XYLB: variants seen among roughly 807,000 people sequenced by gnomAD.
The protein encoded by XYLB is xylulokinase.
A neutral mutation model predicts 78.7 loss-of-function variants in XYLB; 62 were observed. The observed-to-expected ratio is 0.79, with a 90% CI of 0.64 to 0.97. The LOEUF (loss-of-function observed/expected upper bound fraction) is 0.97, where lower values mean the gene tolerates loss of function less well. Ranked by LOEUF, XYLB falls within the 50% of genes least tolerant of loss-of-function variation. The probability of loss-of-function intolerance (pLI) is 0.00; values close to 1 mark genes in which losing one functional copy is unlikely to be tolerated. For missense variants in XYLB, 687 were observed against 676.8 expected (o/e 1.02, Z -0.17); for synonymous variants, 245 against 247.4 (o/e 0.99, Z 0.09).
chr3:38,376,838 G>T, intron 13 of XYLB, 80 bp from the exon 14 acceptor site: 1 of 1,259,862 alleles, frequency 7.9e-7, no homozygotes, highest in Non-Finnish European at 1.1e-6. Flanking sequence ...GGGTCATTTT[G>T]TCCTGTTCTA....
chr3:38,450,624 T>C, the XYLB span, among the ~76,000 whole-genome samples: 3 of 152,220 alleles, frequency 2.0e-5, no homozygotes, highest in South Asian at 2.1e-4. Flanking sequence ...TTTAGCAATC[T>C]TGTAGTCGTT....
At chr3:38,424,489 A>G (rs1709062474), downstream of XYLB, among the ~76,000 whole-genome samples, 1 of 152,224 alleles carries the variant, frequency 6.6e-6, no homozygotes, top group Non-Finnish European at 1.5e-5. Flanking sequence ...TCAATTTTTG[A>G]AATTAACTAA....
chr3:38,377,676 A>T (rs1706934338), intron 14 of XYLB, among the ~76,000 whole-genome samples: 1 of 151,820 alleles, frequency 6.6e-6, no homozygotes, highest in African/African-American at 2.4e-5. Context: ...CGAACTCCTA[A>T]CCTCAAGTGA....
At chr3:38,423,426 G>T (rs541797750), downstream of XYLB, among the ~76,000 whole-genome samples, 1 of 152,188 alleles carries the variant, frequency 6.6e-6, no homozygotes, top group African/African-American at 2.4e-5. Context: ...ACAGATCTTA[G>T]AGCCATTAAT....
chr3:38,401,599 T>C (rs1708125672), intron 18 of XYLB, among the ~76,000 whole-genome samples: 1 of 152,232 alleles, frequency 6.6e-6, no homozygotes, highest in African/African-American at 2.4e-5. Flanking sequence ...GAAGCTGAGA[T>C]GACCTTTAGA....
chr3:38,352,457 C>G (rs746700695), intron 2 of XYLB, among the ~76,000 whole-genome samples: 9 of 152,178 alleles, frequency 5.9e-5, no homozygotes, highest in Non-Finnish European at 1.0e-4. Flanking sequence ...TATGCTTTCT[C>G]TTGTATGAAA....
downstream of XYLB, among the ~76,000 whole-genome samples, chr3:38,425,514 T>A (rs1052827807): frequency 6.6e-6 from 1 of 152,224 alleles, no homozygotes; most frequent in Non-Finnish European, 1.5e-5. Context: ...AACTTTAAAT[T>A]TTTTGAGCCT....
At chr3:38,421,777 T>C (rs534220995), downstream of XYLB, among the ~76,000 whole-genome samples, 1 of 152,062 alleles carries the variant, frequency 6.6e-6, no homozygotes, top group Admixed American at 6.5e-5. Flanking sequence ...AGCAGCAGAG[T>C]AGGGAGAGGT....
Position 38,413,181 on chromosome 3 carries a change from AAGAT to A in XYLB, c.*175_*178del. ...AAGCCGCCCTCAGCACATCTGCATG[AAGAT>A]AGATAGGCACTCCTGTCCCTGTGCC... On this transcript the variant is annotated 3_prime_UTR_variant, in exon 19 of 19. Coordinates refer to ENST00000207870, the MANE Select transcript of XYLB (RefSeq NM_005108.4). The A allele has an allele frequency of 1.8e-6, 1 of 550,868 alleles. No homozygotes were observed. The highest frequency in any genetic ancestry group is 3.0e-6 in the Non-Finnish European group (1 of 333,492). The allele number at this position is 550,868 out of a possible 1,614,324, so 34.1% of individuals were successfully genotyped here.
At chr3:38,408,820 C>G (rs568570140) in intron 18 of XYLB, among the ~76,000 whole-genome samples, 1 of 152,268 alleles carries the variant, frequency 6.6e-6, no homozygotes, top group South Asian at 2.1e-4. Flanking sequence ...CATACACCCT[C>G]CCAAGACTAA....
In XYLB at chr3:38,377,106, A is replaced by C. The variant is rs996825181; in HGVS notation, c.1194+115A>C. 4.4e-6 allele frequency: 4 copies of C among 915,546 alleles called. No homozygotes were observed. In the African/African-American group the frequency reaches 6.6e-5, roughly 15 times the overall value. The allele number at this position is 915,546 out of a possible 1,614,324, so 56.7% of individuals were successfully genotyped here. A position where few individuals can be genotyped will look rare whatever the true frequency, so the allele number is the denominator to read the frequency against. ...GACTTCATTCATTCACTCATCCATT[A>C]ATATCATACACACTTGTGGTGTGCC... On this transcript the variant is annotated intron_variant, in intron 14 of 18. Coordinates refer to ENST00000207870, the MANE Select transcript of XYLB (RefSeq NM_005108.4).
chr3:38,348,321 G>T (rs1342237171), intron 1 of XYLB, among the ~76,000 whole-genome samples: 1 of 152,182 alleles, frequency 6.6e-6, no homozygotes, highest in Non-Finnish European at 1.5e-5. Flanking sequence ...CTTGAGACAT[G>T]TGGGTGTTCC....
downstream of XYLB, among the ~76,000 whole-genome samples, chr3:38,423,266 G>C (rs1260553925): frequency 2.6e-5 from 4 of 152,098 alleles, no homozygotes; most frequent in Admixed American, 1.3e-4. Context: ...TGGAGACGGG[G>C]TTTCACTGCA....
At chr3:38,372,580 T>G in intron 9 of XYLB, 75 bp from the exon 10 acceptor site, 1 of 1,609,990 alleles carries the variant, frequency 6.2e-7, no homozygotes, top group South Asian at 1.1e-5. Flanking sequence ...TTTCGTGGCC[T>G]GAAGGGTGGG....
intron 2 of XYLB, among the ~76,000 whole-genome samples, chr3:38,354,374 A>T (rs1705530269): frequency 6.7e-6 from 1 of 149,428 alleles, no homozygotes; most frequent in African/African-American, 2.5e-5. Flanking sequence ...GGCCTGTAAT[A>T]TGTTTTAATA....
downstream of XYLB, among the ~76,000 whole-genome samples, chr3:38,425,670 G>C (rs954416075): frequency 6.6e-6 from 1 of 152,170 alleles, no homozygotes; most frequent in Non-Finnish European, 1.5e-5. Flanking sequence ...TAGAGGTTAT[G>C]CTTGTGTTTC....
At chr3:38,377,083 C>T (rs1706899367) in intron 14 of XYLB, 92 bp downstream of exon 14, 2 of 1,137,934 alleles carry the variant, frequency 1.8e-6, no homozygotes, top group African/African-American at 1.5e-5. Context: ...CTTTTAGGGA[C>T]TTCATTCATT....
the XYLB span, chr3:38,452,019 T>G: frequency 6.6e-6 from 1 of 152,130 alleles, no homozygotes; most frequent in African/African-American, 2.4e-5. Flanking sequence ...TACCTTTCAG[T>G]CCATATTGGA....
the XYLB span, among the ~76,000 whole-genome samples, chr3:38,449,843 C>G: frequency 1.3e-3 from 194 of 152,260 alleles, no homozygotes; most frequent in African/African-American, 4.6e-3. Context: ...TGGGATTTTT[C>G]CATTAGCACA....
Sources: gnomAD v4.1 joint callset for allele counts (sites outside exome capture counted in the v4.1 genomes callset) on GRCh38, gnomAD v4.1.1 for gene constraint, MANE v1.5 for transcripts, NCBI Gene and HGNC (gene_info 2026-07-23, HGNC 2026-07-21) for gene names.